UBE3C: variants seen among roughly 807,000 people sequenced by gnomAD.
UBE3C encodes ubiquitin protein ligase E3C, also known as ubiquitin-protein ligase E3C.
In UBE3C, 42 loss-of-function variants were observed where a neutral mutation model predicts 129.4. That is an observed-to-expected ratio of 0.32 (90% CI 0.25 to 0.42). The LOEUF (loss-of-function observed/expected upper bound fraction) is 0.42, where lower values mean the gene tolerates loss of function less well. Among genes scored for constraint, UBE3C ranks in the 10% least tolerant of loss-of-function variants. The pLI is 1.00. For synonymous variants in UBE3C, 510 were observed against 492.4 expected (o/e 1.04, Z -0.47); for missense variants, 1,049 against 1,319.1 (o/e 0.80, Z 3.17).
intron 10 of UBE3C, among the ~76,000 whole-genome samples, chr7:157,199,966 G>C (rs545184741): frequency 6.6e-6 from 1 of 152,152 alleles, no homozygotes; most frequent in South Asian, 2.1e-4. Context: ...CCCCGTTTGA[G>C]ATTCTGCTCT....
intron 17 of UBE3C, among the ~76,000 whole-genome samples, chr7:157,225,921 G>C (rs1263185829): frequency 1.3e-5 from 2 of 152,148 alleles, no homozygotes; most frequent in Non-Finnish European, 2.9e-5. Context: ...TACTGCTCAG[G>C]CCTTGGCAGT....
rs1230553924 is a variant in UBE3C at position 157,267,975 on chromosome 7, C to T, written c.*220C>T. 6 of 423,822 alleles carry T rather than the reference C, an allele frequency of 1.4e-5. No homozygotes were observed. The highest frequency in any genetic ancestry group is 1.4e-4 in the South Asian group (3 of 21,850). 26.3% of individuals were successfully genotyped at this position (423,822 alleles called of 1,614,324 possible). A position where few individuals can be genotyped will look rare whatever the true frequency, so the allele number is the denominator to read the frequency against. On this transcript the variant is annotated 3_prime_UTR_variant, in exon 23 of 23. Coordinates refer to ENST00000348165, the MANE Select transcript of UBE3C (RefSeq NM_014671.3). ...GCTTTTCAAATAACTTAAAATAACA[C>T]GTTATGTGCCATGTGGCTACTTTAG...
chr7:157,197,514 T>G (rs995896087), intron 10 of UBE3C: 58 of 881,410 alleles, frequency 6.6e-5, no homozygotes, highest in Non-Finnish European at 8.3e-5. Context: ...AATTTGTTTT[T>G]TTTTTTTTTT....
intron 11 of UBE3C, among the ~76,000 whole-genome samples, chr7:157,204,107 T>C (rs575572928): frequency 6.6e-6 from 1 of 152,316 alleles, no homozygotes; most frequent in East Asian, 1.9e-4. Flanking sequence ...GGAATCACCT[T>C]TGACCATCTT....
At chr7:157,156,449 G>A (rs148838274) in intron 1 of UBE3C, among the ~76,000 whole-genome samples, 1 of 151,332 alleles carries the variant, frequency 6.6e-6, no homozygotes, top group Non-Finnish European at 1.5e-5. Context: ...TGGGACTACA[G>A]GCGCATGTCA....
At chr7:157,241,861 A>G (rs1448706960) in intron 18 of UBE3C, among the ~76,000 whole-genome samples, 5 of 152,204 alleles carry the variant, frequency 3.3e-5, no homozygotes, top group South Asian at 4.1e-4. Flanking sequence ...CACATGGCAC[A>G]CATGGATGTG....
intron 6 of UBE3C, 129 bp from the exon 7 acceptor site, chr7:157,181,389 G>C: frequency 1.3e-6 from 1 of 775,174 alleles, no homozygotes; most frequent in East Asian, 2.9e-5. Flanking sequence ...AGTTTTCCTT[G>C]CTAGCATGTT....
At chr7:157,140,638 C>T (rs1357428485) in intron 1 of UBE3C, among the ~76,000 whole-genome samples, 1 of 152,156 alleles carries the variant, frequency 6.6e-6, no homozygotes, top group African/African-American at 2.4e-5. Context: ...GAAGGAGTGC[C>T]CATTCACACA....
chr7:157,180,270 ATGT>A (rs1305328642), intron 6 of UBE3C, among the ~76,000 whole-genome samples: 1 of 152,202 alleles, frequency 6.6e-6, no homozygotes, highest in Non-Finnish European at 1.5e-5. Context: ...AACCTTTGTC[ATGT>A]TGTCAGTCTA....
chr7:157,256,674 G>A (rs987497209), intron 21 of UBE3C: 18 of 449,116 alleles, frequency 4.0e-5, no homozygotes, highest in Admixed American at 7.8e-5. Context: ...TGTGTGCTAA[G>A]CAATATAGTG....
rs1808134739 is a variant in UBE3C at position 157,163,614 on chromosome 7, T to C, written c.67-196T>C. Among the ~76,000 whole-genome samples, 4 of 152,210 alleles carry C rather than the reference T, an allele frequency of 2.6e-5. No homozygotes were observed. The South Asian group carries it at 8.3e-4, about 32-fold the overall frequency. On this transcript the variant is annotated intron_variant, in intron 1 of 22. Transcript: ENST00000348165. ...CTTAAAAAACTACTGAAGTACTAAC[T>C]TGTATTATATCTAGTGACCTCTGGG...
intron 10 of UBE3C, among the ~76,000 whole-genome samples, chr7:157,190,678 T>C (rs1295662625): frequency 1.3e-5 from 2 of 152,210 alleles, no homozygotes; most frequent in African/African-American, 4.8e-5. Context: ...AATACAACCC[T>C]GATTATTGCA....
chr7:157,194,443 G>C (rs1156963558), intron 10 of UBE3C, among the ~76,000 whole-genome samples: 1 of 152,208 alleles, frequency 6.6e-6, no homozygotes, highest in Non-Finnish European at 1.5e-5. Flanking sequence ...ATCTGGCAGA[G>C]AAGTAGGCAT....
chr7:157,185,563 C>T (rs746117184), intron 9 of UBE3C, among the ~76,000 whole-genome samples: 6 of 152,118 alleles, frequency 3.9e-5, no homozygotes, highest in Non-Finnish European at 8.8e-5. Flanking sequence ...CTTTCTTTGC[C>T]ATGTCTCTTA....
At chr7:157,142,753 C>A (rs949808421) in intron 1 of UBE3C, among the ~76,000 whole-genome samples, 17 of 152,078 alleles carry the variant, frequency 1.1e-4, no homozygotes, top group African/African-American at 4.1e-4. Flanking sequence ...GTGCTCACTC[C>A]CCGGGTAATG....
intron 1 of UBE3C, among the ~76,000 whole-genome samples, chr7:157,143,274 A>G (rs2116783673): frequency 6.6e-6 from 1 of 152,310 alleles, no homozygotes; most frequent in Non-Finnish European, 1.5e-5. Flanking sequence ...TTTTCTTGGT[A>G]GTGTATAGAA....
chr7:157,159,914 C>G (rs889604667), intron 1 of UBE3C, among the ~76,000 whole-genome samples: 11 of 152,172 alleles, frequency 7.2e-5, no homozygotes, highest in Admixed American at 2.6e-4. Context: ...ATAAAACTGT[C>G]TAATAGAGCC....
chr7:157,192,502 T>C, intron 10 of UBE3C: 1 of 760,220 alleles, frequency 1.3e-6, no homozygotes, highest in East Asian at 2.4e-5. Flanking sequence ...GACTGATCTT[T>C]GCTGGCAAGC....
intron 13 of UBE3C, among the ~76,000 whole-genome samples, chr7:157,212,850 C>G (rs750154293): frequency 2.0e-5 from 3 of 152,146 alleles, no homozygotes; most frequent in Non-Finnish European, 4.4e-5. Context: ...CTCCACCCCC[C>G]AGGCTCAAGT....
Sources: allele counts gnomAD v4.1 joint callset (sites outside exome capture counted in the v4.1 genomes callset), GRCh38; gene constraint gnomAD v4.1.1; transcripts MANE v1.5; gene names NCBI Gene and HGNC (gene_info 2026-07-23, HGNC 2026-07-21).